Variants in KLF12 observed in about 807,000 individuals in gnomAD.
KLF12 encodes the protein Krueppel-like factor 12.
A neutral mutation model predicts 37.8 loss-of-function variants in KLF12; 9 were observed. That is an observed-to-expected ratio of 0.24 (90% CI 0.14 to 0.42). The LOEUF (loss-of-function observed/expected upper bound fraction) is 0.42. Ranked by LOEUF, KLF12 falls within the 10% of genes least tolerant of loss-of-function variation. The pLI is 1.00. For synonymous variants in KLF12, 208 were observed against 202.1 expected (o/e 1.03, Z -0.25); for missense variants, 411 against 516.0 (o/e 0.80, Z 1.97).
chr13:73,993,767 A>C (rs73213085), intron 2 of KLF12, among the ~76,000 whole-genome samples: 4,812 of 152,280 alleles, frequency 0.032, 106 homozygotes, highest in Non-Finnish European at 0.048. Context: ...AATTTTAAGG[A>C]ATCTTGCAAG....
In KLF12 at chr13:73,813,134, T is replaced by C; in HGVS notation, c.806+18A>G. On this transcript the variant is annotated intron_variant, in intron 5 of 7. Transcript: ENST00000377669. Reference sequence around the variant, plus strand: ...CACCTTGGCAATTCTTAATTCATCCTGTGAATGTGATACTTACTCTTGTAC... The same window carrying C: ...CACCTTGGCAATTCTTAATTCATCCCGTGAATGTGATACTTACTCTTGTAC... 1 of 1,612,018 alleles carries C rather than the reference T, an allele frequency of 6.2e-7. No homozygotes were observed. Among genetic ancestry groups the C allele is most frequent in the Non-Finnish European group, 8.5e-7 (1 of 1,178,426 alleles).
the KLF12 span, among the ~76,000 whole-genome samples, chr13:74,173,714 A>G: frequency 3.3e-5 from 5 of 152,218 alleles, no homozygotes; most frequent in Non-Finnish European, 5.9e-5. Context: ...GGTTTGAGAC[A>G]TTTAAAGATT....
At chr13:74,113,794 A>G (rs769473015) in intron 1 of KLF12, among the ~76,000 whole-genome samples, 4 of 152,232 alleles carry the variant, frequency 2.6e-5, no homozygotes, top group Non-Finnish European at 5.9e-5. Context: ...TATACTTGCC[A>G]TAGATAGTGG....
intron 5 of KLF12, among the ~76,000 whole-genome samples, chr13:73,797,083 G>C (rs982259367): frequency 2.0e-5 from 3 of 152,166 alleles, no homozygotes; most frequent in African/African-American, 7.2e-5. Flanking sequence ...GATCTTACAT[G>C]AGAGTATACA....
At chr13:74,164,112 G>C in the KLF12 span, among the ~76,000 whole-genome samples, 2 of 152,048 alleles carry the variant, frequency 1.3e-5, no homozygotes, top group East Asian at 1.9e-4. Context: ...CAGTATAATA[G>C]AGTGGAAAAA....
chr13:73,937,784 T>C (rs994670475), intron 3 of KLF12, among the ~76,000 whole-genome samples: 1 of 152,240 alleles, frequency 6.6e-6, no homozygotes, highest in Admixed American at 6.5e-5. Flanking sequence ...TGATTTTCAA[T>C]TCCTTGTATT....
At chr13:74,078,769 T>G (rs1212874823) in intron 1 of KLF12, among the ~76,000 whole-genome samples, 1 of 152,230 alleles carries the variant, frequency 6.6e-6, no homozygotes, top group Non-Finnish European at 1.5e-5. Context: ...TGAGTTAAAT[T>G]AAAACATTTA....
the KLF12 span, among the ~76,000 whole-genome samples, chr13:74,237,237 A>G: frequency 7.7e-6 from 1 of 130,144 alleles, no homozygotes; most frequent in Non-Finnish European, 1.5e-5. Flanking sequence ...GGTTTGTCAA[A>G]GATCAGATAG....
chr13:74,142,981 A>ACCTT, the KLF12 span, among the ~76,000 whole-genome samples: 31 of 151,182 alleles, frequency 2.1e-4, no homozygotes, highest in Admixed American at 3.9e-4. Context: ...CTTAATAAAG[A>ACCTT]CCTTCCTTCC....
chr13:74,255,630 G>C, the KLF12 span, among the ~76,000 whole-genome samples: 1 of 152,148 alleles, frequency 6.6e-6, no homozygotes, highest in Admixed American at 6.5e-5. Flanking sequence ...ATTATATTGA[G>C]TGGTTTCTAC....
At chr13:73,986,546 A>G (rs891633446) in intron 2 of KLF12, among the ~76,000 whole-genome samples, 4 of 152,220 alleles carry the variant, frequency 2.6e-5, no homozygotes, top group African/African-American at 9.6e-5. Flanking sequence ...TGGCCCCCTA[A>G]AGATGTCCAT....
intron 2 of KLF12, among the ~76,000 whole-genome samples, chr13:73,964,723 A>G (rs1200202878): frequency 1.3e-5 from 2 of 152,006 alleles, no homozygotes; most frequent in Admixed American, 1.3e-4. Flanking sequence ...GCTCATGCCT[A>G]TAAATCCCAG....
At chr13:74,259,783 T>C in the KLF12 span, 1 of 152,160 alleles carries the variant, frequency 6.6e-6, no homozygotes. Context: ...TTGTGTTGCC[T>C]ACTCCAAAAG....
intron 3 of KLF12, among the ~76,000 whole-genome samples, chr13:73,909,971 A>AT (rs1009314395): frequency 1.3e-5 from 2 of 151,670 alleles, no homozygotes; most frequent in African/African-American, 2.4e-5. Context: ...TTCAAACGTT[A>AT]TTTTTTTTGG....
intron 1 of KLF12, among the ~76,000 whole-genome samples, chr13:74,003,545 C>A (rs1892334713): frequency 6.6e-6 from 1 of 152,048 alleles, no homozygotes; most frequent in African/African-American, 2.4e-5. Context: ...TCTTACAATG[C>A]AAAGGGATTT....
At chr13:73,869,828 T>G (rs1886379668) in intron 3 of KLF12, among the ~76,000 whole-genome samples, 1 of 152,182 alleles carries the variant, frequency 6.6e-6, no homozygotes, top group Non-Finnish European at 1.5e-5. Context: ...CCTTTCTAAA[T>G]GTTAAGAGGT....
the KLF12 span, among the ~76,000 whole-genome samples, chr13:74,220,787 T>C: frequency 6.6e-6 from 1 of 152,224 alleles, no homozygotes; most frequent in Non-Finnish European, 1.5e-5. Flanking sequence ...TGTGCCTGGC[T>C]TATTTCACTT....
At chr13:74,302,290 A>G in the KLF12 span, among the ~76,000 whole-genome samples, 7 of 152,286 alleles carry the variant, frequency 4.6e-5, no homozygotes, top group South Asian at 1.4e-3. Context: ...CATTTTAAAA[A>G]CTATATTAAA....
rs747034414 is a variant in KLF12, at chr13:74,102,846, A to G, written c.-32+30893T>C. On this transcript the variant is annotated intron_variant, in intron 1 of 7. Coordinates refer to ENST00000377669, the MANE Select transcript of KLF12 (RefSeq NM_007249.5). ...TGAGTATGAAAAGACGTCACCACTG[A>G]CTGTGATATAATTATTGCATGAGTT... Among the ~76,000 whole-genome samples the G allele has an allele frequency of 3.9e-5, 6 of 152,238 alleles. No individual in the cohort carries two copies. The South Asian group carries it at 6.2e-4, about 16-fold the overall frequency.
Sources: allele counts gnomAD v4.1 joint callset (sites outside exome capture counted in the v4.1 genomes callset), GRCh38; gene constraint gnomAD v4.1.1; transcripts MANE v1.5; gene names NCBI Gene and HGNC (gene_info 2026-07-23, HGNC 2026-07-21).